Variants in ASAH1 observed in about 807,000 individuals in gnomAD.
ASAH1 encodes acid ceramidase.
In ASAH1, 70 loss-of-function variants were observed where a neutral mutation model predicts 59.5. The observed-to-expected ratio is 1.18, with a 90% CI of 0.97 to 1.43. ASAH1 has a LOEUF of 1.43. Among genes scored for constraint, ASAH1 ranks in the 40% most tolerant of loss-of-function variants. The pLI, the probability that ASAH1 is intolerant of heterozygous loss-of-function variation, is 0.00. For missense variants in ASAH1, 660 were observed against 482.5 expected (o/e 1.37, Z -3.45); for synonymous variants, 213 against 166.5 (o/e 1.28, Z -2.15).
chr8:18,059,144 G>C (rs1289292006), intron 12 of ASAH1, 197 bp downstream of exon 12: 27 of 824,172 alleles, frequency 3.3e-5, no homozygotes, highest in South Asian at 3.5e-5. Context: ...TCCAGCATTA[G>C]AACCAGAAAA....
At chr8:18,075,494 A>ACG (rs763105083) in intron 2 of ASAH1, 47 bp downstream of exon 2, 6 of 1,593,716 alleles carry the variant, frequency 3.8e-6, no homozygotes, top group Non-Finnish European at 5.2e-6. Context: ...TACAGAAAAA[A>ACG]CTTCACAAAG....
At chr8:18,084,408 C>G (rs947313528), upstream of ASAH1, 14 of 1,393,128 alleles carry the variant, frequency 1.0e-5, no homozygotes, top group South Asian at 3.0e-5. Context: ...GAGCTTCACC[C>G]GTGGCGCCTC....
rs528745305 is a variant in ASAH1, at chr8:18,082,941, G to C, written c.78+1040C>G. Among the ~76,000 whole-genome samples, 5 of 152,188 alleles carry C rather than the reference G, an allele frequency of 3.3e-5. No individual in the cohort carries two copies. In the South Asian group the frequency reaches 1.0e-3, roughly 32 times the overall value. On this transcript the variant is annotated intron_variant, in intron 1 of 13. Coordinates refer to ENST00000637790, the MANE Select transcript of ASAH1 (RefSeq NM_177924.5). ...GGCCTTTAATCGTGTCCACATACAT[G>C]TTCTGTGTATTTTCCTATTACAGGA...
At chr8:18,065,237 C>T (rs1263038339) in intron 5 of ASAH1, 2 of 151,680 alleles carry the variant, frequency 1.3e-5, no homozygotes, top group Non-Finnish European at 2.9e-5. Context: ...ACCACTTATA[C>T]ATCATGTTAT....
intron 5 of ASAH1, chr8:18,064,972 C>T (rs1246143387): frequency 6.3e-6 from 1 of 157,530 alleles, no homozygotes; most frequent in East Asian, 1.8e-4. Flanking sequence ...TACAGAGCTG[C>T]CAAGAAACTC....
upstream of ASAH1, chr8:18,084,214 G>T: frequency 6.6e-7 from 1 of 1,509,594 alleles, no homozygotes; most frequent in Non-Finnish European, 8.8e-7. Context: ...GGCGGGACTG[G>T]GAGGAGAGGA....
At chr8:18,076,668 C>T (rs2117082072) in intron 1 of ASAH1, 1 of 152,238 alleles carries the variant, frequency 6.6e-6, no homozygotes, top group East Asian at 1.9e-4. Flanking sequence ...GGAACTGTAG[C>T]TTGAGCTCAG....
chr8:18,059,477 G>T lies in ASAH1; in HGVS notation c.918-13C>A, dbSNP rs547575890. The T allele has an allele frequency of 2.5e-6, 4 of 1,614,100 alleles. No individual in the cohort carries two copies. The African/African-American group carries it at 4.0e-5, about 16-fold the overall frequency. ...CTTAGCATCGAGTCTAGATACAAAA[G>T]GAGAGATTCCCTCTTAGGCTACATG... On this transcript the variant is annotated splice_polypyrimidine_tract_variant and intron_variant, in intron 11 of 13. Transcript: ENST00000637790.
intron 1 of ASAH1, 77 bp downstream of exon 1, chr8:18,083,904 C>G: frequency 6.5e-7 from 1 of 1,542,866 alleles, no homozygotes; most frequent in Non-Finnish European, 8.7e-7. Flanking sequence ...TGTACCCGCT[C>G]GCGCCGCCAC....
chr8:18,066,940 G>T, intron 5 of ASAH1: 3 of 382,620 alleles, frequency 7.8e-6, no homozygotes, highest in Non-Finnish European at 1.4e-5. Flanking sequence ...CTAATCTATA[G>T]TGACATCAGA....
At chr8:18,058,736 C>A (rs749770538) in intron 13 of ASAH1, 99 bp downstream of exon 13, 26 of 1,095,748 alleles carry the variant, frequency 2.4e-5, no homozygotes, top group Middle Eastern at 2.3e-4. Flanking sequence ...GCTGAACACA[C>A]CTTTTGTGCT....
At chr8:18,069,769 T>C (rs780954555) in intron 4 of ASAH1, 23 bp downstream of exon 4, 5 of 1,488,478 alleles carry the variant, frequency 3.4e-6, no homozygotes, top group Non-Finnish European at 4.7e-6. Context: ...TTAACATTTA[T>C]TGTGAGAAAT....
In ASAH1 at chr8:18,057,478, C is replaced by T; in HGVS notation, c.*56G>A. 7.2e-7 allele frequency: 1 copy of T among 1,395,774 alleles called. No individual in the cohort carries two copies. Among genetic ancestry groups the T allele is most frequent in the Non-Finnish European group, 1.0e-6 (1 of 996,380 alleles). 86.5% of individuals were successfully genotyped at this position (1,395,774 alleles called of 1,614,324 possible). ...GTCAGACAGCTGCAGTGTTCGGTCA[C>T]ATGGAGATGGTGTCTTCATGTCTCA... On this transcript the variant is annotated 3_prime_UTR_variant, in exon 14 of 14. Transcript: ENST00000637790.
intron 6 of ASAH1, chr8:18,063,469 A>AAT: frequency 1.7e-5 from 6 of 354,058 alleles, no homozygotes; most frequent in Non-Finnish European, 2.9e-5. Flanking sequence ...GCACCTGGCT[A>AAT]CTTTTTTTTT....
chr8:18,078,429 G>C (rs188068184), intron 1 of ASAH1, among the ~76,000 whole-genome samples: 1 of 152,294 alleles, frequency 6.6e-6, no homozygotes, highest in African/African-American at 2.4e-5. Context: ...CTGGCTGCAA[G>C]GAAATAGGAT....
intron 5 of ASAH1, 33 bp downstream of exon 5, chr8:18,067,187 C>G: frequency 7.2e-7 from 1 of 1,382,320 alleles, no homozygotes; most frequent in Non-Finnish European, 1.0e-6. Context: ...AATTTAATTA[C>G]TTTTTTTTTT....
At chr8:18,067,136 G>GTGCTGTATATCTAAGACATACAGCACCTA in intron 5 of ASAH1, 84 bp downstream of exon 5, 1 of 1,278,586 alleles carries the variant, frequency 7.8e-7, no homozygotes, top group Non-Finnish European at 1.1e-6. Context: ...TACAGCACCT[G>GTGCTGTATATCTAAGACATACAGCACCTA]TGCTGTATGT....
In ASAH1 at chr8:18,063,126, C is replaced by T. The variant is rs1053737367; in HGVS notation, c.503+59G>A. ...CTCGTGATCCACCCGTGTCAGCCTC[C>T]CAAAAAGCTGGGATTACAGGCGTGA... On this transcript the variant is annotated intron_variant, in intron 7 of 13. Coordinates refer to ENST00000637790, the MANE Select transcript of ASAH1 (RefSeq NM_177924.5). 2.6e-6 allele frequency: 4 copies of T among 1,550,704 alleles called. No individual in the cohort carries two copies. The African/African-American group carries it at 5.4e-5, about 21-fold the overall frequency.
upstream of ASAH1, chr8:18,084,381 C>G (rs901567292): frequency 7.1e-7 from 1 of 1,403,660 alleles, no homozygotes; most frequent in African/African-American, 1.4e-5. Flanking sequence ...GGAGCCCCGC[C>G]CCGTAGGTGG....
Sources: gnomAD v4.1 joint callset for allele counts (sites outside exome capture counted in the v4.1 genomes callset) on GRCh38, gnomAD v4.1.1 for gene constraint, MANE v1.5 for transcripts, NCBI Gene and HGNC (gene_info 2026-07-23, HGNC 2026-07-21) for gene names.